The following TBC1D19 variants were observed in gnomAD, a reference collection of about 807,000 sequenced individuals.
The protein encoded by TBC1D19 is TBC1 domain family member 19.
A neutral mutation model predicts 89.0 loss-of-function variants in TBC1D19; 60 were observed. That is an observed-to-expected ratio of 0.67 (90% CI 0.55 to 0.84). The LOEUF is 0.84. Ranked by LOEUF, TBC1D19 falls within the 40% of genes least tolerant of loss-of-function variation. The pLI is 0.00. For missense variants in TBC1D19, 500 were observed against 610.8 expected (o/e 0.82, Z 1.91); for synonymous variants, 189 against 199.7 (o/e 0.95, Z 0.45).
chr4:26,710,186 C>T (rs1454147099), intron 13 of TBC1D19, among the ~76,000 whole-genome samples: 1 of 152,070 alleles, frequency 6.6e-6, no homozygotes, highest in Non-Finnish European at 1.5e-5. Context: ...CCCCTCTCCC[C>T]CAACCCCACA....
intron 13 of TBC1D19, among the ~76,000 whole-genome samples, chr4:26,709,548 C>T (rs1178970607): frequency 6.6e-6 from 1 of 151,960 alleles, no homozygotes; most frequent in Non-Finnish European, 1.5e-5. Context: ...GGATGGGGTG[C>T]TTTTTTCCCT....
At chr4:26,765,763 A>G in the TBC1D19 span, among the ~76,000 whole-genome samples, 3 of 152,034 alleles carry the variant, frequency 2.0e-5, no homozygotes, top group African/African-American at 7.2e-5. Context: ...CTATCACTAC[A>G]CTAGTTTGGT....
At chr4:26,843,914 ACT>A in the TBC1D19 span, among the ~76,000 whole-genome samples, 1 of 152,072 alleles carries the variant, frequency 6.6e-6, no homozygotes, top group Non-Finnish European at 1.5e-5. Flanking sequence ...AGTGCCACAC[ACT>A]CTCAAACAAC....
At chr4:26,669,072 C>G (rs1386537790) in intron 9 of TBC1D19, among the ~76,000 whole-genome samples, 1 of 151,342 alleles carries the variant, frequency 6.6e-6, no homozygotes, top group Non-Finnish European at 1.5e-5. Flanking sequence ...TGAGCAAGCT[C>G]AGCATTCTTT....
chr4:26,670,532 G>C (rs1257758421), intron 9 of TBC1D19, among the ~76,000 whole-genome samples: 1 of 151,474 alleles, frequency 6.6e-6, no homozygotes, highest in East Asian at 1.9e-4. Flanking sequence ...TTCAAGTACT[G>C]CAGGTAATAG....
upstream of TBC1D19, among the ~76,000 whole-genome samples, chr4:26,581,923 A>G (rs1739073066): frequency 6.6e-6 from 1 of 152,066 alleles, no homozygotes; most frequent in Non-Finnish European, 1.5e-5. Flanking sequence ...ACTCCGACAC[A>G]TCTGCTTCTA....
intron 5 of TBC1D19, among the ~76,000 whole-genome samples, chr4:26,637,518 C>CCCG (rs1743211387): frequency 1.3e-5 from 2 of 152,040 alleles, no homozygotes; most frequent in African/African-American, 4.8e-5. Flanking sequence ...ACTACAGGCA[C>CCCG]CCGCCACCAG....
chr4:26,629,692 A>G (rs1742674905), intron 4 of TBC1D19, among the ~76,000 whole-genome samples: 1 of 152,082 alleles, frequency 6.6e-6, no homozygotes, highest in South Asian at 2.1e-4. Flanking sequence ...GCTTGCTTAA[A>G]TATGACATGC....
the TBC1D19 span, among the ~76,000 whole-genome samples, chr4:26,836,872 C>A: frequency 6.6e-6 from 1 of 152,234 alleles, no homozygotes; most frequent in Non-Finnish European, 1.5e-5. Context: ...GCTCCTTTAA[C>A]CCCTCTGTTT....
intron 7 of TBC1D19, among the ~76,000 whole-genome samples, chr4:26,655,424 C>T (rs1744725768): frequency 6.6e-6 from 1 of 152,228 alleles, no homozygotes; most frequent in South Asian, 2.1e-4. Context: ...TTTAAGTCTG[C>T]AGAGGTTTCT....
the TBC1D19 span, among the ~76,000 whole-genome samples, chr4:26,824,006 C>CA: frequency 6.6e-6 from 1 of 152,214 alleles, no homozygotes; most frequent in Non-Finnish European, 1.5e-5. Context: ...TAGGGCATTC[C>CA]ATTCACAGGG....
intron 7 of TBC1D19, among the ~76,000 whole-genome samples, chr4:26,646,011 T>C (rs1743908114): frequency 6.7e-6 from 1 of 148,606 alleles, no homozygotes; most frequent in Non-Finnish European, 1.5e-5. Flanking sequence ...TAGTCCCAGC[T>C]ACTTGGGAGG....
chr4:26,832,076 G>C, the TBC1D19 span, among the ~76,000 whole-genome samples: 1 of 152,178 alleles, frequency 6.6e-6, no homozygotes, highest in East Asian at 1.9e-4. Flanking sequence ...CACATGCTGG[G>C]CAAGCTGTGG....
the TBC1D19 span, among the ~76,000 whole-genome samples, chr4:26,777,792 A>AT: frequency 6.6e-6 from 1 of 152,018 alleles, no homozygotes; most frequent in African/African-American, 2.4e-5. Flanking sequence ...AATCAGAAAG[A>AT]TTTTTTGTCT....
intron 13 of TBC1D19, among the ~76,000 whole-genome samples, chr4:26,696,990 A>G (rs58733183): frequency 0.054 from 8,284 of 152,120 alleles, 784 homozygotes; most frequent in African/African-American, 0.19. Context: ...CTAGCAGAAG[A>G]CAAGAAATAA....
chr4:26,808,459 G>A, the TBC1D19 span, among the ~76,000 whole-genome samples: 8 of 140,798 alleles, frequency 5.7e-5, no homozygotes, highest in South Asian at 2.4e-4. Flanking sequence ...CTGGCTGGGC[G>A]CGGTGGCTCA....
chr4:26,669,321 T>C (rs1371680537), intron 9 of TBC1D19, among the ~76,000 whole-genome samples: 1 of 151,846 alleles, frequency 6.6e-6, no homozygotes, highest in African/African-American at 2.4e-5. Context: ...ATTGTATACC[T>C]TCTTAAGATA....
At chr4:26,806,083 G>A in the TBC1D19 span, among the ~76,000 whole-genome samples, 1 of 152,152 alleles carries the variant, frequency 6.6e-6, no homozygotes, top group Non-Finnish European at 1.5e-5. Flanking sequence ...CCAGCCACAG[G>A]TGCCTCCTTC....
At chr4:26,793,573 A>C in the TBC1D19 span, among the ~76,000 whole-genome samples, 1 of 152,130 alleles carries the variant, frequency 6.6e-6, no homozygotes. Context: ...TAGTACAAAA[A>C]TTAGCTGGGC....
Sources: gnomAD v4.1 joint callset for allele counts (sites outside exome capture counted in the v4.1 genomes callset) on GRCh38, gnomAD v4.1.1 for gene constraint, MANE v1.5 for transcripts, NCBI Gene and HGNC (gene_info 2026-07-23, HGNC 2026-07-21) for gene names.